Variants in MUCL3 observed in about 807,000 individuals in gnomAD.
MUCL3 encodes mucin like 3.
A neutral mutation model predicts 70.2 loss-of-function variants in MUCL3; 42 were observed. That is an observed-to-expected ratio of 0.60 (90% CI 0.47 to 0.77). The LOEUF (loss-of-function observed/expected upper bound fraction) is 0.77. MUCL3 is among the 30% of genes least tolerant of loss of function. The pLI is 0.00. For synonymous variants in MUCL3, 522 were observed against 647.0 expected, an observed-to-expected ratio of 0.81 and a Z score of 2.93; for missense variants, 1,429 against 1,670.0, an observed-to-expected ratio of 0.86 and a Z score of 2.52.
In MUCL3 at chr6:30,948,603, A is replaced by G. The variant is rs1466768115; in HGVS notation, c.139A>G (p.Ile47Val). 6.5e-7 allele frequency: 1 copy of G among 1,550,214 alleles called. No homozygotes were observed. The highest frequency in any genetic ancestry group is 8.7e-7 in the Non-Finnish European group (1 of 1,146,584). Residue 47 changes from isoleucine (I) to valine (V), a missense_variant, in exon 2 of 3, where the codon ATA (isoleucine) becomes GTA (valine). Ile to Val is a conservative substitution (Grantham distance 29). Coordinates refer to ENST00000462446, the MANE Select transcript of MUCL3 (RefSeq NM_080870.4). The part of the protein sequence containing the change: ...KTGELSTSDH[I>V]FPLTPGLVYS... ...TGGGGAACTCTCAACATCCGATCAC[A>G]TATTTCCCCTCACTCCAGGCCTTGT...
intron 1 of MUCL3, among the ~76,000 whole-genome samples, chr6:30,945,129 C>T (rs1014711729): frequency 4.6e-5 from 7 of 152,218 alleles, no homozygotes; most frequent in South Asian, 2.1e-4. Flanking sequence ...CAGCGGAAGT[C>T]GCCCTTGGTC....
At position 30,953,000 on chromosome 6, in the gene MUCL3, A is replaced by G; in HGVS notation, c.4065A>G (p.Thr1355=). 1.9e-6 allele frequency: 3 copies of G among 1,614,250 alleles called. No individual in the cohort carries two copies. The South Asian group carries it at 3.3e-5, about 18-fold the overall frequency. ...CCTATATGATGCGGACACGCCGCAC[A>G]CTAACCCAGAACACCCAGTACAATG... is the stretch of plus-strand genomic sequence containing the variant. ...LVSYMMRTRR[T]LTQNTQYNDA... is the part of the protein sequence containing the mutation. The change falls in exon 3 of 3, where the codon ACA becomes ACG. Residue 1355 remains threonine, a synonymous_variant. Transcript: ENST00000462446.
chr6:30,951,226 C>T lies in MUCL3; in HGVS notation c.2762C>T (p.Pro921Leu). 1 of 1,552,006 alleles carries T rather than the reference C, an allele frequency of 6.4e-7. No homozygotes were observed. Among genetic ancestry groups the T allele is most frequent in the East Asian group, 2.4e-5 (1 of 40,904 alleles). ...NEKTTPSSAE[P>L]TEHGERTPLA... ...AAGACCACACCATCCTCAGCAGAGC[C>T]TACAGAACATGGAGAAAGGACCCCA... The change falls in exon 2 of 3, where the codon CCT (proline) becomes CTT (leucine). Residue 921 changes from proline to leucine, a missense_variant. Transcript: ENST00000462446.
intron 2 of MUCL3, 143 bp from the exon 3 acceptor site, chr6:30,952,827 TG>T: frequency 8.7e-7 from 1 of 1,146,584 alleles, no homozygotes. Flanking sequence ...GAGATGGAGC[TG>T]GGACTCATTG....
intron 1 of MUCL3, among the ~76,000 whole-genome samples, chr6:30,944,478 C>T (rs867043486): frequency 2.6e-5 from 4 of 152,288 alleles, no homozygotes; most frequent in Middle Eastern, 6.8e-3. Context: ...GACGGGGTTT[C>T]GCCATGTTGG....
rs1290079162 is a variant in MUCL3 at position 30,949,898 on chromosome 6, G to T, written c.1434G>T (p.Glu478Asp). The change falls in exon 2 of 3, where the codon GAG becomes GAT. Residue 478 changes from glutamate (E) to aspartate (D), a missense_variant. Coordinates refer to ENST00000462446, the MANE Select transcript of MUCL3 (RefSeq NM_080870.4). ...ANEKTTLSPV[E>D]PTENRETTAN... is the part of the protein sequence containing the mutation. ...AGAAGACCACACTATCCCCAGTAGA[G>T]CCTACAGAAAATAGAGAAACAACAG... is the stretch of plus-strand genomic sequence containing the variant. 16 of 1,548,118 alleles carry T rather than the reference G, an allele frequency of 1.0e-5. No homozygotes were observed. The highest frequency in any genetic ancestry group is 1.4e-5 in the Non-Finnish European group (16 of 1,146,240).
At chr6:30,944,919 G>A (rs943679443) in intron 1 of MUCL3, among the ~76,000 whole-genome samples, 2 of 152,240 alleles carry the variant, frequency 1.3e-5, no homozygotes, top group South Asian at 2.1e-4. Context: ...TCAGGGCCAA[G>A]GAATCCCTTG....
rs1365505210 is a variant in MUCL3, at chr6:30,949,723, C to T, written c.1259C>T (p.Ser420Phe). The stretch of plus-strand genomic sequence containing the variant: ...AAAACCACATCATCCTCAGCAGAGT[C>T]TACAGAACATGGAGAAAGGACCCCA... The part of the protein sequence containing the change: ...NDKTTSSSAE[S>F]TEHGERTPLA... Residue 420 changes from serine to phenylalanine, a missense_variant, in exon 2 of 3, where the codon TCT becomes TTT. By Grantham distance (155) the Ser-to-Phe change is radical. Coordinates refer to ENST00000462446, the MANE Select transcript of MUCL3 (RefSeq NM_080870.4). 2.6e-6 allele frequency: 4 copies of T among 1,546,638 alleles called. No homozygotes were observed. Among genetic ancestry groups the T allele is most frequent in the Non-Finnish European group, 3.5e-6 (4 of 1,145,600 alleles).
In MUCL3 at chr6:30,951,596, C is replaced by T. The variant is rs1236872993; in HGVS notation, c.3132C>T (p.His1044=). The T allele has an allele frequency of 9.1e-5, 140 of 1,535,428 alleles. No homozygotes were observed. The highest frequency in any genetic ancestry group is 1.7e-4 in the Middle Eastern group (1 of 5,936). The change falls in exon 2 of 3, where the codon CAC becomes CAT. Residue 1044 remains histidine, a synonymous_variant. Coordinates refer to ENST00000462446, the MANE Select transcript of MUCL3 (RefSeq NM_080870.4). ...CATCTCCAGCAAAGCCTACAGAACA[C>T]GAAGAAATGACCCCATCGGCCAATG... The part of the protein sequence containing the change: ...TIPSPAKPTE[H]EEMTPSANEN...
chr6:30,951,204 A>T lies in MUCL3; in HGVS notation c.2740A>T (p.Thr914Ser). The T allele has an allele frequency of 6.4e-7, 1 of 1,551,552 alleles. No individual in the cohort carries two copies. Among genetic ancestry groups the T allele is most frequent in the Non-Finnish European group, 8.7e-7 (1 of 1,146,992 alleles). ...AAGGACCCCATTTACCAATGAGAAG[A>T]CCACACCATCCTCAGCAGAGCCTAC... ...GERTPFTNEK[T>S]TPSSAEPTEH... The change falls in exon 2 of 3, where the codon ACC becomes TCC. Residue 914 changes from threonine (T) to serine (S), a missense_variant. Transcript: ENST00000462446.
chr6:30,949,341 G>C lies in MUCL3; in HGVS notation c.877G>C (p.Ala293Pro). ...AEPTEHGGRT[A>P]NENNTPSPAE... ...GCCTACAGAACATGGAGGAAGGACA[G>C]CCAATGAGAACAACACACCATCCCC... is the stretch of plus-strand genomic sequence containing the variant. The change falls in exon 2 of 3, where the codon GCC (alanine) becomes CCC (proline). Residue 293 changes from alanine to proline, a missense_variant. Ala to Pro is a conservative substitution (Grantham distance 27). Coordinates refer to ENST00000462446, the MANE Select transcript of MUCL3 (RefSeq NM_080870.4). The C allele has an allele frequency of 6.4e-7, 1 of 1,551,726 alleles. No homozygotes were observed.
At chr6:30,947,595 G>A (rs140790360) in intron 1 of MUCL3, among the ~76,000 whole-genome samples, 17 of 151,234 alleles carry the variant, frequency 1.1e-4, no homozygotes, top group Admixed American at 5.3e-4. Flanking sequence ...GAATTAAGGC[G>A]TGTATCTGTC....
At chr6:30,941,107 A>G in intron 1 of MUCL3, 26 bp downstream of exon 1, 1 of 1,546,954 alleles carries the variant, frequency 6.5e-7, no homozygotes, top group South Asian at 1.2e-5. Flanking sequence ...GGGATACAGA[A>G]GACAGAAACA....
rs1159731603 is a variant in MUCL3 at position 30,950,625 on chromosome 6, C to G, written c.2161C>G (p.Pro721Ala). Residue 721 changes from proline to alanine, a missense_variant, in exon 2 of 3, where the codon CCT becomes GCT. Coordinates refer to ENST00000462446, the MANE Select transcript of MUCL3 (RefSeq NM_080870.4). The stretch of plus-strand genomic sequence containing the variant: ...GAACACCACACTATCCCCAGCAGAG[C>G]CTACAGAAAATAGAGAAAGGACAGC... ...NENTTLSPAE[P>A]TENRERTANE... is the part of the protein sequence containing the mutation. 2.0e-6 allele frequency: 3 copies of G among 1,536,456 alleles called. No homozygotes were observed. Among genetic ancestry groups the G allele is most frequent in the Middle Eastern group, 1.7e-4 (1 of 5,950 alleles).
Position 30,951,507 on chromosome 6 carries a change from C to T in MUCL3, c.3043C>T (p.Pro1015Ser), listed in dbSNP as rs1454998800. 1.3e-6 allele frequency: 2 copies of T among 1,551,774 alleles called. No homozygotes were observed. The highest frequency in any genetic ancestry group is 1.7e-4 in the Middle Eastern group (1 of 5,998). ...AAGGACAGCCAATGAGAAGACCACA[C>T]CATCCCCAGCAGAGCCTACAGAACA... ...GERTANEKTTPSPAEPTEHGE... is the reference protein window; with the variant it reads ...GERTANEKTTSSPAEPTEHGE... Residue 1015 changes from proline to serine, a missense_variant, in exon 2 of 3, where the codon CCA becomes TCA. Pro to Ser is a moderately conservative substitution (Grantham distance 74). Transcript: ENST00000462446.
intron 1 of MUCL3, among the ~76,000 whole-genome samples, chr6:30,944,199 C>CCCTTTCCTTT (rs1038582495): frequency 6.6e-6 from 1 of 151,950 alleles, no homozygotes; most frequent in Non-Finnish European, 1.5e-5. Flanking sequence ...TTCCTTCCTT[C>CCCTTTCCTTT]CCTTTCCTTT....
intron 1 of MUCL3, 125 bp downstream of exon 1, chr6:30,941,206 G>A (rs1795558602): frequency 3.3e-6 from 4 of 1,194,362 alleles, no homozygotes; most frequent in Non-Finnish European, 4.7e-6. Flanking sequence ...GTTGTCTAGA[G>A]TGTTCTCTGC....
rs1241674893 is a variant in MUCL3, at chr6:30,949,955, G to A, written c.1491G>A (p.Glu497=). The part of the protein sequence containing the change: ...ANEKTTPSPA[E]PTENGQRTPF... ...AGAAGACCACACCATCCCCAGCAGA[G>A]CCTACAGAAAATGGACAAAGGACCC... Residue 497 remains glutamate (E), a synonymous_variant, in exon 2 of 3, where the codon GAG becomes GAA. Transcript: ENST00000462446. 1 of 1,549,038 alleles carries A rather than the reference G, an allele frequency of 6.5e-7. No individual in the cohort carries two copies. Among genetic ancestry groups the A allele is most frequent in the Non-Finnish European group, 8.7e-7 (1 of 1,146,712 alleles).
rs1411503704 is a variant in MUCL3 at position 30,949,216 on chromosome 6, A to T, written c.752A>T (p.Asp251Val). 5 of 1,550,638 alleles carry T rather than the reference A, an allele frequency of 3.2e-6. No homozygotes were observed. The Admixed American group carries it at 5.9e-5, about 18-fold the overall frequency. The change falls in exon 2 of 3, where the codon GAT becomes GTT. Residue 251 changes from aspartate to valine, a missense_variant. By Grantham distance (152) the Asp-to-Val change is radical. Transcript: ENST00000462446. ...CCAGAAGAGTCAGAAAAAACTGAAGATTCCAGAACAACAGTTGCCTCAGAC... is the reference window on the plus strand; with the variant it reads ...CCAGAAGAGTCAGAAAAAACTGAAGTTTCCAGAACAACAGTTGCCTCAGAC... ...GTPEESEKTE[D>V]SRTTVASDKL...
Sources: allele counts gnomAD v4.1 joint callset (sites outside exome capture counted in the v4.1 genomes callset), GRCh38; gene constraint gnomAD v4.1.1; transcripts MANE v1.5; gene names NCBI Gene and HGNC (gene_info 2026-07-23, HGNC 2026-07-21).